The following PARD3 variants were observed in gnomAD, a reference collection of about 807,000 sequenced individuals.
The protein encoded by PARD3 is par-3 family cell polarity regulator, also known as partitioning defective 3 homolog.
Under a neutral mutation model 155.4 loss-of-function variants are expected in PARD3, and 75 were observed. The ratio of observed to expected loss-of-function variants is 0.48; its 90% CI spans 0.40 to 0.58. The LOEUF (loss-of-function observed/expected upper bound fraction) is 0.58. Ranked by LOEUF, PARD3 falls within the 20% of genes least tolerant of loss-of-function variation. The pLI is 0.00. For synonymous variants in PARD3, 576 were observed against 610.5 expected, an observed-to-expected ratio of 0.94 and a Z score of 0.83; for missense variants, 1,642 against 1,721.7, an observed-to-expected ratio of 0.95 and a Z score of 0.82.
At chr10:34,129,958 C>G (rs989261445) in intron 23 of PARD3, among the ~76,000 whole-genome samples, 1 of 151,622 alleles carries the variant, frequency 6.6e-6, no homozygotes, top group South Asian at 2.1e-4. Flanking sequence ...TATGAGCCAC[C>G]ATGCCTGGCC....
intron 2 of PARD3, among the ~76,000 whole-genome samples, chr10:34,696,025 T>A (rs2094164998): frequency 6.6e-6 from 1 of 152,206 alleles, no homozygotes; most frequent in South Asian, 2.1e-4. Context: ...TTGGTTAAAT[T>A]AAGGCAGAAT....
intron 1 of PARD3, among the ~76,000 whole-genome samples, chr10:34,726,349 G>A (rs541202583): frequency 3.9e-5 from 6 of 152,316 alleles, no homozygotes; most frequent in Admixed American, 6.5e-5. Flanking sequence ...ACTTTGGAAG[G>A]CCAAGGAGGG....
intron 2 of PARD3, among the ~76,000 whole-genome samples, chr10:34,621,505 A>G (rs1342957334): frequency 2.6e-5 from 4 of 152,050 alleles, no homozygotes; most frequent in Non-Finnish European, 5.9e-5. Context: ...CTAGTTTCCA[A>G]CTTTTAACAC....
chr10:34,731,680 A>G (rs1260881491), intron 1 of PARD3, among the ~76,000 whole-genome samples: 1 of 152,228 alleles, frequency 6.6e-6, no homozygotes, highest in South Asian at 2.1e-4. Flanking sequence ...TTTCACAATC[A>G]AATAGTAGTT....
intron 22 of PARD3, among the ~76,000 whole-genome samples, chr10:34,184,995 C>G (rs1201443638): frequency 6.6e-6 from 1 of 152,140 alleles, no homozygotes; most frequent in Non-Finnish European, 1.5e-5. Flanking sequence ...GTATTTATTG[C>G]TACTTCCTGC....
chr10:34,195,176 A>C (rs1167737857), intron 22 of PARD3, among the ~76,000 whole-genome samples: 1 of 152,214 alleles, frequency 6.6e-6, no homozygotes, highest in African/African-American at 2.4e-5. Flanking sequence ...CAATTAATCC[A>C]ATGTTTATGC....
intron 5 of PARD3, among the ~76,000 whole-genome samples, chr10:34,427,848 C>T (rs1461735881): frequency 6.6e-6 from 1 of 152,036 alleles, no homozygotes; most frequent in Admixed American, 6.6e-5. Context: ...GGGACAGGTT[C>T]CCCCGATATG....
At chr10:34,709,683 G>T (rs1439979454) in intron 1 of PARD3, among the ~76,000 whole-genome samples, 1 of 152,120 alleles carries the variant, frequency 6.6e-6, no homozygotes, top group East Asian at 1.9e-4. Context: ...TCAGGGGCAG[G>T]AGCTGGAATT....
At chr10:34,709,092 C>T (rs1379366373) in intron 1 of PARD3, among the ~76,000 whole-genome samples, 1 of 151,956 alleles carries the variant, frequency 6.6e-6, no homozygotes, top group African/African-American at 2.4e-5. Flanking sequence ...ATGCTTGGGA[C>T]CAAAAGTGTT....
At chr10:34,380,113 T>C (rs944154619) in intron 9 of PARD3, among the ~76,000 whole-genome samples, 1 of 152,110 alleles carries the variant, frequency 6.6e-6, no homozygotes, top group African/African-American at 2.4e-5. Context: ...GGAAAGCCTG[T>C]TCAATTCTCC....
At chr10:34,303,603 A>T (rs1210283047) in intron 20 of PARD3, among the ~76,000 whole-genome samples, 1 of 151,850 alleles carries the variant, frequency 6.6e-6, no homozygotes, top group Non-Finnish European at 1.5e-5. Flanking sequence ...CAGCTATAAG[A>T]GCAGGAATTC....
At chr10:34,755,129 C>T (rs531928275) in intron 1 of PARD3, among the ~76,000 whole-genome samples, 44 of 151,918 alleles carry the variant, frequency 2.9e-4, no homozygotes, top group Middle Eastern at 6.8e-3. Context: ...AGGCTGGGCG[C>T]GGTGGCTCAT....
chr10:34,424,588 C>A (rs942303292), intron 5 of PARD3, among the ~76,000 whole-genome samples: 2 of 152,042 alleles, frequency 1.3e-5, no homozygotes, highest in African/African-American at 4.8e-5. Context: ...GGTCTCAGCT[C>A]ACTGCAACCT....
intron 22 of PARD3, among the ~76,000 whole-genome samples, chr10:34,235,382 G>A (rs186278275): frequency 1.4e-4 from 22 of 152,290 alleles, no homozygotes; most frequent in Non-Finnish European, 7.4e-5. Context: ...TCATAGGTTG[G>A]TAAGATTCTA....
chr10:34,218,308 C>T (rs1472707963), intron 22 of PARD3, among the ~76,000 whole-genome samples: 1 of 152,144 alleles, frequency 6.6e-6, no homozygotes, highest in East Asian at 1.9e-4. Flanking sequence ...GGTGCTCTGT[C>T]ATTGTTTGCT....
Position 34,427,904 on chromosome 10 carries a change from G to A in PARD3, c.714+22413C>T, listed in dbSNP as rs2132497577. Among the ~76,000 whole-genome samples the A allele has an allele frequency of 2.6e-5, 4 of 152,238 alleles. 1 individual carries two copies. The South Asian group carries it at 8.3e-4, about 32-fold the overall frequency. On this transcript the variant is annotated intron_variant, in intron 5 of 24. Coordinates refer to ENST00000374788, the MANE Select transcript of PARD3 (RefSeq NM_001184785.2). ...GGGGAAGTGGCAACTACATAGCACA[G>A]ACACAAAGACACAAACACACCATAT... is the stretch of plus-strand genomic sequence containing the variant.
chr10:34,743,536 A>G (rs185143136), intron 1 of PARD3, among the ~76,000 whole-genome samples: 1 of 152,312 alleles, frequency 6.6e-6, no homozygotes, highest in Non-Finnish European at 1.5e-5. Context: ...ATCTACACTA[A>G]ATTTCAGGTC....
chr10:34,482,036 T>G (rs2079117653), intron 3 of PARD3, among the ~76,000 whole-genome samples: 1 of 141,850 alleles, frequency 7.0e-6, no homozygotes, highest in Non-Finnish European at 1.5e-5. Context: ...TTTTATCTTT[T>G]TTTTTTTTTT....
At chr10:34,407,261 G>C (rs894079489) in intron 5 of PARD3, among the ~76,000 whole-genome samples, 4 of 152,188 alleles carry the variant, frequency 2.6e-5, no homozygotes, top group African/African-American at 9.6e-5. Flanking sequence ...GGCCCCCACA[G>C]ACTGCCTGGC....
Sources: allele counts gnomAD v4.1 joint callset (sites outside exome capture counted in the v4.1 genomes callset), GRCh38; gene constraint gnomAD v4.1.1; transcripts MANE v1.5; gene names NCBI Gene and HGNC (gene_info 2026-07-23, HGNC 2026-07-21).